MEF2C: variants seen among roughly 807,000 people sequenced by gnomAD.
MEF2C encodes the protein myocyte enhancer factor 2C, also known as myocyte-specific enhancer factor 2C.
A neutral mutation model predicts 50.5 loss-of-function variants in MEF2C; 6 were observed. That is an observed-to-expected ratio of 0.12 (90% CI 0.07 to 0.23). The LOEUF (loss-of-function observed/expected upper bound fraction) is 0.23, where lower values mean the gene tolerates loss of function less well. MEF2C is among the 10% of genes least tolerant of loss of function. The probability of loss-of-function intolerance (pLI) is 1.00; values close to 1 mark genes in which losing one functional copy is unlikely to be tolerated. For synonymous variants in MEF2C, 183 were observed against 228.0 expected (o/e 0.80, Z 1.78); for missense variants, 276 against 605.0 (o/e 0.46, Z 5.70).
In MEF2C at chr5:88,719,475, A is replaced by C. The variant is rs2151997112; in HGVS notation, c.*3129T>G. On this transcript the variant is annotated 3_prime_UTR_variant, in exon 11 of 11. Transcript: ENST00000504921. Reference sequence around the variant, plus strand: ...AATCTTTTAAAATAGGATTAGATATAACAATACTCGCAGCCGTGTAAAATG... The same window carrying C: ...AATCTTTTAAAATAGGATTAGATATCACAATACTCGCAGCCGTGTAAAATG... The C allele has an allele frequency of 6.6e-6, 1 of 152,380 alleles. No homozygotes were observed. Among genetic ancestry groups the C allele is most frequent in the East Asian group, 1.9e-4 (1 of 5,188 alleles). 9.4% of individuals were successfully genotyped at this position (152,380 alleles called of 1,614,324 possible).
chr5:88,735,566 T>A, intron 6 of MEF2C: 1 of 974,010 alleles, frequency 1.0e-6, no homozygotes, highest in Non-Finnish European at 1.2e-6. Flanking sequence ...TTGTTTTACA[T>A]AAAAATAACA....
rs182702712 is a variant in MEF2C, at chr5:88,717,233, A to T, written c.*5371T>A. ...CTGCAGGGGTCACATGCCCACAAACAGCTTTGAACTCATCCCCTTCTGGGC... is the reference window on the plus strand; with the variant it reads ...CTGCAGGGGTCACATGCCCACAAACTGCTTTGAACTCATCCCCTTCTGGGC... On this transcript the variant is annotated 3_prime_UTR_variant, in exon 11 of 11. Transcript: ENST00000504921. 1 of 152,302 alleles carries T rather than the reference A, an allele frequency of 6.6e-6. No individual in the cohort carries two copies. The highest frequency in any genetic ancestry group is 1.5e-5 in the Non-Finnish European group (1 of 68,030). The allele number at this position is 152,302 out of a possible 1,614,324, so 9.4% of individuals were successfully genotyped here.
chr5:88,821,624 A>G (rs1808404784), intron 2 of MEF2C, among the ~76,000 whole-genome samples: 1 of 151,876 alleles, frequency 6.6e-6, no homozygotes, highest in Non-Finnish European at 1.5e-5. Flanking sequence ...GGAGGACATT[A>G]TGTTAAGTGA....
At chr5:88,875,872 A>T (rs1313721466) in intron 1 of MEF2C, among the ~76,000 whole-genome samples, 1 of 151,880 alleles carries the variant, frequency 6.6e-6, no homozygotes, top group Non-Finnish European at 1.5e-5. Flanking sequence ...TCTGGTCTGC[A>T]GCCAGGAAGT....
At chr5:88,831,419 A>G (rs1259778209) in intron 1 of MEF2C, among the ~76,000 whole-genome samples, 1 of 151,330 alleles carries the variant, frequency 6.6e-6, no homozygotes, top group African/African-American at 2.4e-5. Flanking sequence ...TTCAAATATT[A>G]TGTTAAATGA....
intron 3 of MEF2C, among the ~76,000 whole-genome samples, chr5:88,777,991 G>A (rs1430235556): frequency 1.6e-5 from 2 of 128,786 alleles, no homozygotes; most frequent in South Asian, 2.7e-4. Flanking sequence ...TGCAAGCTCC[G>A]CCTCCCAGGT....
At chr5:88,825,485 A>G in intron 1 of MEF2C, 1 of 983,820 alleles carries the variant, frequency 1.0e-6, no homozygotes, top group Non-Finnish European at 1.2e-6. Context: ...CTCCAGCTGT[A>G]ATTTTAAATG....
intron 1 of MEF2C, among the ~76,000 whole-genome samples, chr5:88,855,854 G>A (rs941477027): frequency 2.0e-4 from 31 of 152,246 alleles, no homozygotes; most frequent in Middle Eastern, 3.4e-3. Context: ...TTTCTTCATA[G>A]CGGTGTGAGA....
At chr5:88,848,781 C>A (rs1013790682) in intron 1 of MEF2C, among the ~76,000 whole-genome samples, 3 of 152,058 alleles carry the variant, frequency 2.0e-5, no homozygotes, top group Non-Finnish European at 4.4e-5. Flanking sequence ...GAGTTCTTAA[C>A]GGGTGATGTA....
At chr5:88,762,598 C>T (rs931916106) in intron 3 of MEF2C, among the ~76,000 whole-genome samples, 4 of 151,656 alleles carry the variant, frequency 2.6e-5, no homozygotes, top group East Asian at 1.9e-4. Context: ...TTTTTACTAA[C>T]GGTTGTCAAC....
chr5:88,816,104 C>T (rs1370450693), intron 2 of MEF2C, among the ~76,000 whole-genome samples: 2 of 151,972 alleles, frequency 1.3e-5, no homozygotes, highest in East Asian at 3.9e-4. Context: ...ACAATAAAAA[C>T]CCTTGAGGCC....
intron 2 of MEF2C, among the ~76,000 whole-genome samples, chr5:88,818,230 T>A (rs375672082): frequency 1.3e-5 from 2 of 151,992 alleles, no homozygotes; most frequent in African/African-American, 4.8e-5. Context: ...TTTGTTAATT[T>A]AAAAAATTTT....
intron 1 of MEF2C, among the ~76,000 whole-genome samples, chr5:88,863,278 C>T (rs1307702006): frequency 6.6e-6 from 1 of 152,214 alleles, no homozygotes; most frequent in East Asian, 1.9e-4. Flanking sequence ...AATTCCTCAA[C>T]AACAGAGTTT....
chr5:88,864,026 TG>T (rs1826407351), intron 1 of MEF2C, among the ~76,000 whole-genome samples: 1 of 152,054 alleles, frequency 6.6e-6, no homozygotes, highest in African/African-American at 2.4e-5. Context: ...TTCACCATGT[TG>T]GCCAGGCTGG....
At chr5:88,862,306 A>G (rs916191318) in intron 1 of MEF2C, among the ~76,000 whole-genome samples, 1 of 152,210 alleles carries the variant, frequency 6.6e-6, no homozygotes, top group Non-Finnish European at 1.5e-5. Flanking sequence ...CTTCTGTCAT[A>G]CACACAAACA....
At chr5:88,879,223 G>A (rs1369452520) in intron 1 of MEF2C, among the ~76,000 whole-genome samples, 1 of 151,778 alleles carries the variant, frequency 6.6e-6, no homozygotes, top group African/African-American at 2.4e-5. Flanking sequence ...TTCAATTTTA[G>A]AAGAAGCAAA....
chr5:88,845,470 A>G (rs1225778036), intron 1 of MEF2C, among the ~76,000 whole-genome samples: 2 of 152,224 alleles, frequency 1.3e-5, no homozygotes, highest in African/African-American at 4.8e-5. Context: ...TCATTTCAGT[A>G]TCGACATACC....
chr5:88,770,577 C>T (rs1781950224), intron 3 of MEF2C, among the ~76,000 whole-genome samples: 1 of 152,132 alleles, frequency 6.6e-6, no homozygotes, highest in Non-Finnish European at 1.5e-5. Context: ...TTCTGGATTC[C>T]AGCCTACCCC....
chr5:88,819,357 G>A (rs943135658), intron 2 of MEF2C: 4 of 985,200 alleles, frequency 4.1e-6, no homozygotes, highest in Admixed American at 1.2e-4. Context: ...GTACAATCTT[G>A]AGCCAGTTAT....
Sources: gnomAD v4.1 joint callset for allele counts (sites outside exome capture counted in the v4.1 genomes callset) on GRCh38, gnomAD v4.1.1 for gene constraint, MANE v1.5 for transcripts, NCBI Gene and HGNC (gene_info 2026-07-23, HGNC 2026-07-21) for gene names.